AIM2: variants seen among roughly 807,000 people sequenced by gnomAD.
The protein encoded by AIM2 is absent in melanoma 2, also known as interferon-inducible protein AIM2.
Under a neutral mutation model 27.7 loss-of-function variants are expected in AIM2, and 30 were observed. The observed-to-expected ratio is 1.08, with a 90% CI of 0.81 to 1.47. The LOEUF is 1.47. Ranked by LOEUF, AIM2 falls within the 40% of genes most tolerant of loss-of-function variation. The pLI is 0.00. For missense variants in AIM2, 358 were observed against 411.3 expected, an observed-to-expected ratio of 0.87 and a Z score of 1.12; for synonymous variants, 141 against 145.3, an observed-to-expected ratio of 0.97 and a Z score of 0.21.
At chr1:159,069,779 G>A (rs953308572) in intron 2 of AIM2, among the ~76,000 whole-genome samples, 14 of 152,194 alleles carry the variant, frequency 9.2e-5, no homozygotes, top group African/African-American at 3.1e-4. Context: ...TCCTCACCTC[G>A]TGATGCGCCC....
intron 4 of AIM2, 44 bp downstream of exon 4, chr1:159,065,866 C>T (rs61828164): frequency 0.019 from 28,714 of 1,526,614 alleles, 330 homozygotes; most frequent in Non-Finnish European, 0.023. Flanking sequence ...ATGGGAAATA[C>T]GTTATTCTTA....
chr1:159,058,322 C>T (rs1261337922), downstream of AIM2, among the ~76,000 whole-genome samples: 1 of 148,794 alleles, frequency 6.7e-6, no homozygotes, highest in Non-Finnish European at 1.5e-5. Flanking sequence ...GCACTCCAGC[C>T]TAGGTGACAG....
chr1:159,097,777 A>G (rs1454973786), intron 1 of AIM2, among the ~76,000 whole-genome samples: 1 of 152,212 alleles, frequency 6.6e-6, no homozygotes, highest in African/African-American at 2.4e-5. Flanking sequence ...TGCTTATTAT[A>G]TGACACAAAC....
intron 1 of AIM2, among the ~76,000 whole-genome samples, chr1:159,075,294 G>A (rs1222028459): frequency 6.6e-6 from 1 of 151,786 alleles, no homozygotes; most frequent in Non-Finnish European, 1.5e-5. Flanking sequence ...ATATCTGGTT[G>A]GATTAATTAT....
chr1:159,058,969 T>C (rs952257072), downstream of AIM2, among the ~76,000 whole-genome samples: 3 of 152,118 alleles, frequency 2.0e-5, no homozygotes, highest in African/African-American at 7.2e-5. Context: ...TGGCGCAAAC[T>C]TCTGTGGCTC....
intron 1 of AIM2, among the ~76,000 whole-genome samples, chr1:159,086,751 G>A (rs571211966): frequency 1.3e-5 from 2 of 152,330 alleles, no homozygotes; most frequent in South Asian, 4.1e-4. Flanking sequence ...CCTTGAGTAA[G>A]TCTCTTAGTC....
chr1:159,079,675 G>A (rs1246354796), upstream of AIM2, among the ~76,000 whole-genome samples: 1 of 152,058 alleles, frequency 6.6e-6, no homozygotes, highest in East Asian at 1.9e-4. Context: ...TCCCACCAGG[G>A]TGGACTGAGC....
intron 1 of AIM2, among the ~76,000 whole-genome samples, chr1:159,134,091 CT>C (rs1647964917): frequency 6.6e-6 from 1 of 152,182 alleles, no homozygotes; most frequent in African/African-American, 2.4e-5. Context: ...AACCAGAAAT[CT>C]TAGAGCCTTT....
chr1:159,116,722 T>A, intron 1 of AIM2, among the ~76,000 whole-genome samples: 1 of 151,886 alleles, frequency 6.6e-6, no homozygotes, highest in African/African-American at 2.4e-5. Flanking sequence ...TTTGGAGATA[T>A]ACCTAATGTT....
At chr1:159,060,120 A>C (rs1274953873), downstream of AIM2, among the ~76,000 whole-genome samples, 1 of 152,238 alleles carries the variant, frequency 6.6e-6, no homozygotes, top group Non-Finnish European at 1.5e-5. Context: ...TTACTGGGTC[A>C]AATAATATGA....
chr1:159,112,585 T>C (rs191023378), intron 1 of AIM2, among the ~76,000 whole-genome samples: 4 of 152,346 alleles, frequency 2.6e-5, no homozygotes, highest in East Asian at 1.9e-4. Context: ...TCTGACGGAA[T>C]ACTTAGAAAT....
chr1:159,144,528 C>T (rs1200634043), upstream of AIM2, among the ~76,000 whole-genome samples: 1 of 152,100 alleles, frequency 6.6e-6, no homozygotes, highest in East Asian at 1.9e-4. Flanking sequence ...AGTCAAGTCA[C>T]TCAAAATGAT....
chr1:159,093,588 T>G (rs972179403), intron 1 of AIM2, among the ~76,000 whole-genome samples: 7 of 152,148 alleles, frequency 4.6e-5, no homozygotes, highest in Non-Finnish European at 7.4e-5. Context: ...TCATGGATAC[T>G]CATGTGCTGG....
At chr1:159,074,305 CG>C (rs1557895772) in intron 1 of AIM2, among the ~76,000 whole-genome samples, 1 of 152,034 alleles carries the variant, frequency 6.6e-6, no homozygotes, top group Non-Finnish European at 1.5e-5. Flanking sequence ...AAGAATTTTA[CG>C]GTTTGATCAT....
intron 3 of AIM2, among the ~76,000 whole-genome samples, chr1:159,067,621 G>A (rs1656165041): frequency 6.6e-6 from 1 of 152,118 alleles, no homozygotes; most frequent in Non-Finnish European, 1.5e-5. Context: ...GGGTCTTCCA[G>A]ACTGAAAAAT....
intron 1 of AIM2, among the ~76,000 whole-genome samples, chr1:159,113,392 G>A (rs1477852185): frequency 6.6e-6 from 1 of 152,166 alleles, no homozygotes; most frequent in Non-Finnish European, 1.5e-5. Context: ...GATACCTGGA[G>A]ACCAACACAC....
chr1:159,087,745 G>C (rs949631464), intron 1 of AIM2, among the ~76,000 whole-genome samples: 32 of 151,790 alleles, frequency 2.1e-4, no homozygotes, highest in African/African-American at 7.5e-4. Flanking sequence ...GCTAATTTTT[G>C]TATTTTTAGT....
At position 159,111,831 on chromosome 1, in the gene AIM2, CATCTATCTATCTATCT is replaced by C. The variant is rs55915998; in HGVS notation, c.-16+28584_-16+28599del. Among the ~76,000 whole-genome samples, 388 of 137,662 alleles carry C rather than the reference CATCTATCTATCTATCT, an allele frequency of 2.8e-3. 2 individuals carry two copies. The highest frequency in any genetic ancestry group is 0.011 in the South Asian group (47 of 4,272). The allele number at this position is 137,662 out of a possible 152,430, so 90.3% of individuals were successfully genotyped here. ...AAAAAAAAACTATCTATCTATCTAT[CATCTATCTATCTATCT>C]ATCTATCTATCTATCTATCTATCTA... On this transcript the variant is annotated intron_variant, in intron 1 of 2. Transcript: ENST00000368129.
At chr1:159,116,232 G>A (rs1436029807) in intron 1 of AIM2, among the ~76,000 whole-genome samples, 2 of 152,132 alleles carry the variant, frequency 1.3e-5, no homozygotes, top group Non-Finnish European at 2.9e-5. Context: ...TACACTGTTG[G>A]TGGGACTGTA....
Sources: allele counts gnomAD v4.1 joint callset (sites outside exome capture counted in the v4.1 genomes callset), GRCh38; gene constraint gnomAD v4.1.1; transcripts MANE v1.5; gene names NCBI Gene and HGNC (gene_info 2026-07-23, HGNC 2026-07-21).